The following NFIB variants were observed in gnomAD, a reference collection of about 807,000 sequenced individuals.
The protein encoded by NFIB is nuclear factor I B, also known as nuclear factor 1 B-type.
NFIB carries 11 observed loss-of-function variants against 61.5 expected under a neutral mutation model. The ratio of observed to expected loss-of-function variants is 0.18; its 90% CI spans 0.11 to 0.30. NFIB has a LOEUF of 0.30. Ranked by LOEUF, NFIB falls within the 10% of genes least tolerant of loss-of-function variation. The pLI is 1.00. For missense variants in NFIB, 471 were observed against 608.9 expected (o/e 0.77, Z 2.38); for synonymous variants, 260 against 216.5 (o/e 1.20, Z -1.76).
At chr9:14,443,446 A>C in the NFIB span, among the ~76,000 whole-genome samples, 1 of 152,160 alleles carries the variant, frequency 6.6e-6, no homozygotes, top group Non-Finnish European at 1.5e-5. Context: ...TCTCCCACCC[A>C]CCTGCCCTTC....
chr9:14,277,606 T>G (rs117679864), intron 2 of NFIB, among the ~76,000 whole-genome samples: 1 of 152,230 alleles, frequency 6.6e-6, no homozygotes, highest in African/African-American at 2.4e-5. Context: ...TTGAGCTCTA[T>G]CTTTATATCC....
chr9:14,118,766 T>G (rs2038519454), intron 8 of NFIB, among the ~76,000 whole-genome samples: 1 of 146,552 alleles, frequency 6.8e-6, no homozygotes, highest in Non-Finnish European at 1.5e-5. Flanking sequence ...GTTTTTCTTT[T>G]TCTTTTTTTT....
intron 10 of NFIB, among the ~76,000 whole-genome samples, chr9:14,097,780 GA>G (rs1448763881): frequency 2.6e-5 from 4 of 151,332 alleles, no homozygotes; most frequent in African/African-American, 9.7e-5. Flanking sequence ...ACAAAGCAAG[GA>G]AAATGGCTGA....
chr9:14,438,526 C>CAGAATTCTATT, the NFIB span, among the ~76,000 whole-genome samples: 1 of 152,236 alleles, frequency 6.6e-6, no homozygotes, highest in East Asian at 1.9e-4. Context: ...TCTATTTAAC[C>CAGAATTCTATT]AAGTCAGAAA....
intron 3 of NFIB, among the ~76,000 whole-genome samples, chr9:14,164,357 T>C (rs1373911822): frequency 6.6e-6 from 1 of 152,050 alleles, no homozygotes. Flanking sequence ...ACTACACACC[T>C]AGGCTATATG....
chr9:14,172,492 C>T (rs925261796), intron 3 of NFIB, among the ~76,000 whole-genome samples: 4 of 152,092 alleles, frequency 2.6e-5, no homozygotes, highest in African/African-American at 9.7e-5. Flanking sequence ...AAGATAAATT[C>T]TTGGTAGGAA....
the NFIB span, among the ~76,000 whole-genome samples, chr9:14,424,498 C>T: frequency 6.6e-3 from 1,004 of 152,330 alleles, 36 homozygotes; most frequent in East Asian, 0.061. Context: ...GAGCTTGAAA[C>T]ATTTGCCCCA....
chr9:14,103,621 C>T (rs1007072595), intron 10 of NFIB, among the ~76,000 whole-genome samples: 2 of 152,112 alleles, frequency 1.3e-5, no homozygotes, highest in Non-Finnish European at 1.5e-5. Flanking sequence ...TTTAGACTAT[C>T]GAGCTTCTGC....
chr9:14,451,215 A>G, the NFIB span, among the ~76,000 whole-genome samples: 1 of 152,194 alleles, frequency 6.6e-6, no homozygotes, highest in Non-Finnish European at 1.5e-5. Flanking sequence ...GTCACTTTAT[A>G]ATTTTTCAGC....
chr9:14,498,523 CT>C, the NFIB span, among the ~76,000 whole-genome samples: 1 of 152,164 alleles, frequency 6.6e-6, no homozygotes, highest in Admixed American at 6.5e-5. Flanking sequence ...ACAAAACCAC[CT>C]TGAGATACAC....
At chr9:14,480,608 T>C in the NFIB span, among the ~76,000 whole-genome samples, 20 of 152,318 alleles carry the variant, frequency 1.3e-4, no homozygotes, top group African/African-American at 4.8e-4. Context: ...CAAACGTTTA[T>C]TGGCTTCCAG....
chr9:14,247,917 C>T (rs1326453747), intron 2 of NFIB, among the ~76,000 whole-genome samples: 1 of 150,738 alleles, frequency 6.6e-6, no homozygotes, highest in African/African-American at 2.4e-5. Flanking sequence ...ACAGTATCTA[C>T]TAATTTTTTC....
chr9:14,404,298 G>C, the NFIB span, among the ~76,000 whole-genome samples: 1 of 152,074 alleles, frequency 6.6e-6, no homozygotes, highest in Non-Finnish European at 1.5e-5. Context: ...TCTTTGATTT[G>C]GTAAACATTT....
chr9:14,227,856 G>C (rs1374768790), intron 2 of NFIB, among the ~76,000 whole-genome samples: 2 of 152,118 alleles, frequency 1.3e-5, no homozygotes, highest in African/African-American at 4.8e-5. Flanking sequence ...TGAACCTCTG[G>C]AGTCTAAGCT....
At chr9:14,398,303 C>T (rs2061707868) in intron 1 of NFIB, among the ~76,000 whole-genome samples, 1 of 152,112 alleles carries the variant, frequency 6.6e-6, no homozygotes, top group African/African-American at 2.4e-5. Context: ...AATTTATCCC[C>T]CAGCTTCTGT....
intron 10 of NFIB, 28 bp downstream of exon 10, chr9:14,112,971 C>T: frequency 1.9e-6 from 3 of 1,546,974 alleles, no homozygotes; most frequent in Non-Finnish European, 2.6e-6. Flanking sequence ...CGTGGCTACA[C>T]CGTCACACCT....
the NFIB span, among the ~76,000 whole-genome samples, chr9:14,465,076 T>G: frequency 6.6e-6 from 1 of 152,214 alleles, no homozygotes; most frequent in Admixed American, 6.5e-5. Context: ...CCAAATAATC[T>G]GTCATAAACA....
At chr9:14,161,958 G>A (rs2044251419) in intron 3 of NFIB, among the ~76,000 whole-genome samples, 1 of 152,090 alleles carries the variant, frequency 6.6e-6, no homozygotes. Flanking sequence ...TATTAGTAGG[G>A]ATTTGTTTTT....
intron 3 of NFIB, among the ~76,000 whole-genome samples, chr9:14,163,403 C>T (rs1005274018): frequency 6.6e-5 from 10 of 151,682 alleles, no homozygotes; most frequent in African/African-American, 2.4e-4. Flanking sequence ...AGAAACACAC[C>T]TAACACAAAA....
Sources: gnomAD v4.1 joint callset for allele counts (sites outside exome capture counted in the v4.1 genomes callset) on GRCh38, gnomAD v4.1.1 for gene constraint, MANE v1.5 for transcripts, NCBI Gene and HGNC (gene_info 2026-07-23, HGNC 2026-07-21) for gene names.